Variants in LDLRAD4 observed in about 807,000 individuals in gnomAD.
The protein encoded by LDLRAD4 is low-density lipoprotein receptor class A domain-containing protein 4.
Under a neutral mutation model 17.0 loss-of-function variants are expected in LDLRAD4, and 5 were observed. The ratio of observed to expected loss-of-function variants is 0.29; its 90% CI spans 0.15 to 0.62. The LOEUF (loss-of-function observed/expected upper bound fraction) is 0.62, where lower values mean the gene tolerates loss of function less well. LDLRAD4 is among the 20% of genes least tolerant of loss of function. The probability of loss-of-function intolerance (pLI) is 0.84; values close to 1 mark genes in which losing one functional copy is unlikely to be tolerated. For missense variants in LDLRAD4, 340 were observed against 424.7 expected, an observed-to-expected ratio of 0.80 and a Z score of 1.75; for synonymous variants, 168 against 171.8, an observed-to-expected ratio of 0.98 and a Z score of 0.17.
chr18:13,222,948 A>G (rs1243671505), intron 1 of LDLRAD4, among the ~76,000 whole-genome samples: 2 of 152,240 alleles, frequency 1.3e-5, no homozygotes, highest in Non-Finnish European at 2.9e-5. Flanking sequence ...AGACACTGAG[A>G]ACAAATTGTC....
intron 1 of LDLRAD4, among the ~76,000 whole-genome samples, chr18:13,238,558 G>A (rs1303482521): frequency 1.3e-5 from 2 of 152,192 alleles, no homozygotes; most frequent in South Asian, 4.1e-4. Flanking sequence ...GTGGGAGAAC[G>A]TGCAGATGTG....
chr18:13,505,921 C>A (rs1189312554), intron 3 of LDLRAD4, among the ~76,000 whole-genome samples: 2 of 152,170 alleles, frequency 1.3e-5, no homozygotes, highest in East Asian at 3.8e-4. Context: ...GCGGTGCCAC[C>A]TCCTCTCATC....
intron 3 of LDLRAD4, among the ~76,000 whole-genome samples, chr18:13,445,231 G>A (rs991942100): frequency 8.5e-5 from 13 of 152,248 alleles, no homozygotes; most frequent in Non-Finnish European, 1.6e-4. Context: ...ATGTAAGTGT[G>A]TGAGCAGGTG....
chr18:13,291,758 A>G (rs2045975744), intron 1 of LDLRAD4, among the ~76,000 whole-genome samples: 1 of 152,214 alleles, frequency 6.6e-6, no homozygotes, highest in Admixed American at 6.5e-5. Flanking sequence ...AGAATGTGCC[A>G]TTTCATGACC....
chr18:13,225,169 A>G (rs375847106), intron 1 of LDLRAD4, among the ~76,000 whole-genome samples: 4 of 152,232 alleles, frequency 2.6e-5, no homozygotes, highest in African/African-American at 9.6e-5. Context: ...AGGTATAGGT[A>G]AATGAATCAT....
chr18:13,457,502 G>A (rs988251084), intron 3 of LDLRAD4, among the ~76,000 whole-genome samples: 1 of 152,218 alleles, frequency 6.6e-6, no homozygotes, highest in Non-Finnish European at 1.5e-5. Context: ...AGGATCGTAT[G>A]AGCAACAGGA....
chr18:13,437,106 C>T (rs2090716434), intron 2 of LDLRAD4, among the ~76,000 whole-genome samples: 1 of 152,210 alleles, frequency 6.6e-6, no homozygotes, highest in Non-Finnish European at 1.5e-5. Context: ...CTTGGTGTGC[C>T]GATGCCCAGC....
At chr18:13,285,063 G>A (rs556145777) in intron 1 of LDLRAD4, among the ~76,000 whole-genome samples, 1 of 152,300 alleles carries the variant, frequency 6.6e-6, no homozygotes, top group East Asian at 1.9e-4. Flanking sequence ...GAGTCCTGAG[G>A]GATTCTTGAA....
At chr18:13,276,683 G>A (rs898398849), upstream of LDLRAD4, among the ~76,000 whole-genome samples, 4 of 152,252 alleles carry the variant, frequency 2.6e-5, no homozygotes, top group East Asian at 1.9e-4. Context: ...GTGGCAGCTC[G>A]CTTCTCCAAG....
chr18:13,485,328 G>A (rs1326351142), intron 3 of LDLRAD4, among the ~76,000 whole-genome samples: 1 of 152,230 alleles, frequency 6.6e-6, no homozygotes, highest in Admixed American at 6.5e-5. Flanking sequence ...ACACGGAGTT[G>A]GGAGCCAGGA....
chr18:13,368,598 G>A (rs776851838), intron 1 of LDLRAD4, among the ~76,000 whole-genome samples: 1 of 152,172 alleles, frequency 6.6e-6, no homozygotes, highest in Non-Finnish European at 1.5e-5. Flanking sequence ...CCTGCTGTGT[G>A]TCGGATGCCC....
At chr18:13,436,483 A>AATGGT (rs1236208880) in intron 2 of LDLRAD4, among the ~76,000 whole-genome samples, 1 of 152,242 alleles carries the variant, frequency 6.6e-6, no homozygotes, top group Admixed American at 6.5e-5. Context: ...TTTTTAGTTA[A>AATGGT]GAGTTTGATT....
intron 3 of LDLRAD4, among the ~76,000 whole-genome samples, chr18:13,619,432 C>G (rs1398551210): frequency 6.8e-6 from 1 of 146,902 alleles, no homozygotes; most frequent in African/African-American, 2.5e-5. Context: ...CAATTTCAGT[C>G]TTTTCCAGGA....
intron 3 of LDLRAD4, among the ~76,000 whole-genome samples, chr18:13,532,854 C>T (rs1327361519): frequency 2.0e-5 from 3 of 152,218 alleles, no homozygotes; most frequent in East Asian, 1.9e-4. Flanking sequence ...CTGCGCCTTC[C>T]GTCCTCCAGG....
In LDLRAD4 at chr18:13,441,449, C is replaced by T. The variant is rs542954314; in HGVS notation, c.181+3065C>T. 7.2e-5 allele frequency among the ~76,000 whole-genome samples: 11 copies of T among 152,340 alleles called. No individual in the cohort carries two copies. In the South Asian group the frequency reaches 2.3e-3, roughly 32 times the overall value. On this transcript the variant is annotated intron_variant, in intron 3 of 5. Coordinates refer to ENST00000359446, the Ensembl canonical transcript of LDLRAD4. The stretch of plus-strand genomic sequence containing the variant: ...AGAAAGGCGATGCCTCATTCTTCTT[C>T]CTGCTTAGGAGCAGGATTGGCTTGT...
intron 2 of LDLRAD4, among the ~76,000 whole-genome samples, chr18:13,437,943 G>A (rs1029178471): frequency 3.9e-5 from 6 of 152,244 alleles, no homozygotes; most frequent in African/African-American, 1.4e-4. Context: ...TTGCAGAGCA[G>A]GTTGTGGAAA....
chr18:13,334,215 C>T (rs1237452653), intron 1 of LDLRAD4, among the ~76,000 whole-genome samples: 1 of 151,802 alleles, frequency 6.6e-6, no homozygotes, highest in Non-Finnish European at 1.5e-5. Flanking sequence ...CTTCGCTGGT[C>T]TATAGGAAAG....
chr18:13,276,721 T>C (rs896291087), upstream of LDLRAD4, among the ~76,000 whole-genome samples: 1 of 152,214 alleles, frequency 6.6e-6, no homozygotes, highest in African/African-American at 2.4e-5. Context: ...CACTCCCTCG[T>C]TGCGGACTCC....
At chr18:13,540,100 C>G (rs969892169) in intron 3 of LDLRAD4, among the ~76,000 whole-genome samples, 5 of 152,216 alleles carry the variant, frequency 3.3e-5, no homozygotes, top group Non-Finnish European at 7.3e-5. Flanking sequence ...TCAGAAGTTA[C>G]GCAGCCAGAT....
Sources: gnomAD v4.1 joint callset for allele counts (sites outside exome capture counted in the v4.1 genomes callset) on GRCh38, gnomAD v4.1.1 for gene constraint, MANE v1.5 for transcripts, NCBI Gene and HGNC (gene_info 2026-07-23, HGNC 2026-07-21) for gene names.